The following SCNN1B variants were observed in gnomAD, a reference collection of about 807,000 sequenced individuals.
SCNN1B encodes the protein sodium channel epithelial 1 subunit beta.
SCNN1B carries 46 observed loss-of-function variants against 65.3 expected under a neutral mutation model. The observed-to-expected ratio is 0.70, with a 90% CI of 0.56 to 0.90. The LOEUF (loss-of-function observed/expected upper bound fraction) is 0.90, where lower values mean the gene tolerates loss of function less well. SCNN1B is among the 40% of genes least tolerant of loss of function. The probability of loss-of-function intolerance (pLI) is 0.00; values close to 1 mark genes in which losing one functional copy is unlikely to be tolerated. For synonymous variants in SCNN1B, 349 were observed against 330.6 expected, an observed-to-expected ratio of 1.06 and a Z score of -0.60; for missense variants, 751 against 830.5, an observed-to-expected ratio of 0.90 and a Z score of 1.18.
At chr16:23,291,712 C>A (rs1960927580) in intron 2 of SCNN1B, among the ~76,000 whole-genome samples, 1 of 150,780 alleles carries the variant, frequency 6.6e-6, no homozygotes, top group African/African-American at 2.4e-5. Context: ...GTACCTGAGA[C>A]CACAGGCACG....
chr16:23,341,166 C>T (rs1326562376), intron 1 of SCNN1B, among the ~76,000 whole-genome samples: 1 of 151,996 alleles, frequency 6.6e-6, no homozygotes, highest in Non-Finnish European at 1.5e-5. Flanking sequence ...GCTTTCTTTT[C>T]ATTTAAATGC....
intron 1 of SCNN1B, among the ~76,000 whole-genome samples, chr16:23,279,867 G>C (rs1402663053): frequency 6.6e-6 from 1 of 152,138 alleles, no homozygotes; most frequent in Admixed American, 6.5e-5. Context: ...CAGTGTTTCT[G>C]CAGAGCCCCT....
chr16:23,301,286 CG>C (rs1009167440), upstream of SCNN1B, among the ~76,000 whole-genome samples: 14 of 148,886 alleles, frequency 9.4e-5, no homozygotes, highest in African/African-American at 3.5e-4. Flanking sequence ...TGCTTGATTC[CG>C]GGAAGTGGAG....
intron 2 of SCNN1B, among the ~76,000 whole-genome samples, chr16:23,287,212 C>G (rs1174627679): frequency 2.6e-5 from 4 of 151,792 alleles, no homozygotes; most frequent in Non-Finnish European, 4.4e-5. Flanking sequence ...GCCATGTTAG[C>G]CAGGCTGATC....
chr16:23,341,307 C>CA (rs1178078947), intron 1 of SCNN1B, among the ~76,000 whole-genome samples: 1 of 151,970 alleles, frequency 6.6e-6, no homozygotes, highest in Non-Finnish European at 1.5e-5. Flanking sequence ...TAAATTAATT[C>CA]AAAATGAATC....
intron 2 of SCNN1B, among the ~76,000 whole-genome samples, chr16:23,288,532 G>A (rs1172404071): frequency 6.6e-6 from 1 of 152,208 alleles, no homozygotes; most frequent in Non-Finnish European, 1.5e-5. Context: ...GCCAGGTGCA[G>A]TGGCTCACAC....
At position 23,380,988 on chromosome 16, in the gene SCNN1B, G is replaced by C. The variant is rs886051816; in HGVS notation, c.*187G>C. Reference sequence around the variant, plus strand: ...CTGGCCAAGGGCTCTGTAGAATCACGGTGCTGGTACAGGATGCAGGAATAA... The same window carrying C: ...CTGGCCAAGGGCTCTGTAGAATCACCGTGCTGGTACAGGATGCAGGAATAA... On this transcript the variant is annotated 3_prime_UTR_variant, in exon 13 of 13. Coordinates refer to ENST00000343070, the MANE Select transcript of SCNN1B (RefSeq NM_000336.3). This position sits in a 1 kb window ranked among gnomAD's most constrained non-coding sequence, Gnocchi z 5.4. 1 of 702,080 alleles carries C rather than the reference G, an allele frequency of 1.4e-6. No homozygotes were observed. The highest frequency in any genetic ancestry group is 1.7e-5 in the African/African-American group (1 of 57,380). 43.5% of individuals were successfully genotyped at this position (702,080 alleles called of 1,614,324 possible). A position where few individuals can be genotyped will look rare whatever the true frequency, so the allele number is the denominator to read the frequency against.
chr16:23,376,371 TGTGCAC>T (rs1962895895), intron 8 of SCNN1B, among the ~76,000 whole-genome samples: 1 of 146,838 alleles, frequency 6.8e-6, no homozygotes, highest in Non-Finnish European at 1.5e-5. Context: ...TGTGTGTGTG[TGTGCAC>T]GTGCATGTAT....
upstream of SCNN1B, among the ~76,000 whole-genome samples, chr16:23,299,046 G>GCTTTTT (rs1961036423): frequency 6.7e-6 from 1 of 149,638 alleles, no homozygotes; most frequent in Non-Finnish European, 1.5e-5. Flanking sequence ...TTTGCTTTTT[G>GCTTTTT]CTTTTTCTTT....
At chr16:23,305,160 T>TA (rs1961167555) in intron 1 of SCNN1B, among the ~76,000 whole-genome samples, 1 of 152,034 alleles carries the variant, frequency 6.6e-6, no homozygotes, top group Admixed American at 6.6e-5. Flanking sequence ...TCATGTTACT[T>TA]ACAAAAGGCC....
rs980954529 is a variant in SCNN1B at position 23,324,893 on chromosome 16, A to AC, written c.-9+22463dup. On this transcript the variant is annotated intron_variant, in intron 1 of 12. Transcript: ENST00000343070. ...ATGGGCTTAGGTGCTCACCATTGGC[A>AC]CCCCCCCAAGTCCTCTTTGTCCATT... Among the ~76,000 whole-genome samples, 68 of 151,726 alleles carry AC rather than the reference A, an allele frequency of 4.5e-4. 3 individuals carry two copies. The highest frequency in any genetic ancestry group is 2.1e-4 in the South Asian group (1 of 4,806).
Position 23,355,396 on chromosome 16 carries a change from C to T in SCNN1B, c.683C>T (p.Ala228Val), listed in dbSNP as rs1171997264. Residue 228 changes from alanine to valine, a missense_variant, in exon 4 of 13, where the codon GCA becomes GTA. Coordinates refer to ENST00000343070, the MANE Select transcript of SCNN1B (RefSeq NM_000336.3). ...WYILQATNIF[A>V]QVPQQELVEM... ...ATCCTGCAGGCCACCAACATCTTTG[C>T]ACAGGTGCCACAGCAGGAGCTAGTA... 2 of 1,614,060 alleles carry T rather than the reference C, an allele frequency of 1.2e-6. No homozygotes were observed. Among genetic ancestry groups the T allele is most frequent in the African/African-American group, 2.7e-5 (2 of 74,914 alleles).
intron 1 of SCNN1B, among the ~76,000 whole-genome samples, chr16:23,318,204 G>A (rs1961512361): frequency 6.6e-6 from 1 of 152,162 alleles, no homozygotes; most frequent in African/African-American, 2.4e-5. Flanking sequence ...GCAGACTCTG[G>A]AGCAAACAGA....
chr16:23,312,578 G>A (rs1007581803), intron 1 of SCNN1B, among the ~76,000 whole-genome samples: 1 of 152,160 alleles, frequency 6.6e-6, no homozygotes, highest in Non-Finnish European at 1.5e-5. Context: ...TTGGAGAAGG[G>A]ATGAGGGTAG....
chr16:23,305,576 A>AT (rs1162728377), intron 1 of SCNN1B, among the ~76,000 whole-genome samples: 1 of 25,196 alleles, frequency 4.0e-5, no homozygotes, highest in Non-Finnish European at 6.0e-5. Context: ...ATATATATAT[A>AT]TTATATATAT....
At chr16:23,291,073 T>C (rs1374616569) in intron 2 of SCNN1B, among the ~76,000 whole-genome samples, 1 of 151,782 alleles carries the variant, frequency 6.6e-6, no homozygotes, top group Non-Finnish European at 1.5e-5. Context: ...TTTTTCTTTT[T>C]TTTTTTTTGG....
chr16:23,375,892 C>G (rs1454594480), intron 8 of SCNN1B, 37 bp downstream of exon 8: 2 of 1,362,572 alleles, frequency 1.5e-6, no homozygotes, highest in Admixed American at 3.3e-5. Flanking sequence ...CTCCAGCCAT[C>G]TGGGGCCACA....
At chr16:23,310,664 G>A (rs931406019) in intron 1 of SCNN1B, among the ~76,000 whole-genome samples, 6 of 152,218 alleles carry the variant, frequency 3.9e-5, no homozygotes, top group African/African-American at 1.2e-4. Flanking sequence ...GCAACACAGC[G>A]AGACCCTGTC....
chr16:23,329,876 A>T (rs1483959324), intron 1 of SCNN1B, among the ~76,000 whole-genome samples: 1 of 152,120 alleles, frequency 6.6e-6, no homozygotes, highest in Non-Finnish European at 1.5e-5. Context: ...TATTTTAAAA[A>T]TTAGTTGGGT....
Sources: gnomAD v4.1 joint callset for allele counts (sites outside exome capture counted in the v4.1 genomes callset) on GRCh38, gnomAD v4.1.1 for gene constraint, Gnocchi (gnomAD v3.1) non-coding constraint, MANE v1.5 for transcripts, NCBI Gene and HGNC (gene_info 2026-07-23, HGNC 2026-07-21) for gene names.